The following ZPBP variants were observed in gnomAD, a reference collection of about 807,000 sequenced individuals.
ZPBP encodes the protein zona pellucida-binding protein 1.
In ZPBP, 26 loss-of-function variants were observed where a neutral mutation model predicts 44.8. The observed-to-expected ratio is 0.58, with a 90% CI of 0.43 to 0.81. The LOEUF is 0.81. Ranked by LOEUF, ZPBP falls within the 30% of genes least tolerant of loss-of-function variation. The pLI, the probability that ZPBP is intolerant of heterozygous loss-of-function variation, is 0.00. For missense variants in ZPBP, 409 were observed against 434.0 expected (o/e 0.94, Z 0.51); for synonymous variants, 174 against 153.2 (o/e 1.14, Z -1.00).
At chr7:49,927,325 G>C (rs1794278063) in intron 1 of ZPBP, among the ~76,000 whole-genome samples, 1 of 152,070 alleles carries the variant, frequency 6.6e-6, no homozygotes, top group Admixed American at 6.6e-5. Flanking sequence ...TCCTCCCTTG[G>C]GAAGTATGAC....
At chr7:49,906,739 G>A (rs1793118958) in intron 1 of ZPBP, among the ~76,000 whole-genome samples, 1 of 152,208 alleles carries the variant, frequency 6.6e-6, no homozygotes. Context: ...AAGTACAGAT[G>A]CTGAGTTGCC....
At chr7:50,063,326 T>G (rs1330912520) in intron 3 of ZPBP, among the ~76,000 whole-genome samples, 1 of 152,170 alleles carries the variant, frequency 6.6e-6, no homozygotes, top group African/African-American at 2.4e-5. Flanking sequence ...CCTGTTCCAT[T>G]CCCCCATTTG....
intron 1 of ZPBP, among the ~76,000 whole-genome samples, chr7:49,932,079 T>A (rs1209649557): frequency 6.6e-6 from 1 of 152,220 alleles, no homozygotes; most frequent in East Asian, 1.9e-4. Flanking sequence ...TGCCTGGATG[T>A]CCAGGCAGAG....
At chr7:50,029,909 G>A (rs1332239539) in intron 5 of ZPBP, among the ~76,000 whole-genome samples, 1 of 152,200 alleles carries the variant, frequency 6.6e-6, no homozygotes, top group Non-Finnish European at 1.5e-5. Context: ...AGGCTGAAGT[G>A]CAGTGGCACG....
At chr7:50,065,506 T>C (rs1379291740) in intron 3 of ZPBP, among the ~76,000 whole-genome samples, 3 of 151,106 alleles carry the variant, frequency 2.0e-5, no homozygotes, top group Non-Finnish European at 3.0e-5. Context: ...AAGCCTTTTC[T>C]TATCAGGCGA....
At chr7:50,072,441 G>C (rs893220742) in intron 3 of ZPBP, among the ~76,000 whole-genome samples, 2 of 152,222 alleles carry the variant, frequency 1.3e-5, no homozygotes, top group African/African-American at 4.8e-5. Context: ...AGCACTGAAG[G>C]GAAGGACAAA....
At chr7:50,005,161 C>T (rs1798250050) in intron 6 of ZPBP, among the ~76,000 whole-genome samples, 1 of 151,842 alleles carries the variant, frequency 6.6e-6, no homozygotes, top group African/African-American at 2.4e-5. Context: ...ATGCTGTCAA[C>T]TGTAAATTAC....
chr7:49,860,427 G>C (rs1790602708), intron 2 of ZPBP, among the ~76,000 whole-genome samples: 1 of 152,184 alleles, frequency 6.6e-6, no homozygotes, highest in Non-Finnish European at 1.5e-5. Context: ...GCATGGATTA[G>C]TGCTTCATTC....
intron 3 of ZPBP, among the ~76,000 whole-genome samples, chr7:50,077,815 T>C (rs961663106): frequency 4.0e-5 from 6 of 151,820 alleles, no homozygotes; most frequent in Non-Finnish European, 7.4e-5. Flanking sequence ...AGTACAACCA[T>C]TATGGTGAAC....
At chr7:49,869,779 T>G (rs1398665425) in intron 2 of ZPBP, among the ~76,000 whole-genome samples, 1 of 152,162 alleles carries the variant, frequency 6.6e-6, no homozygotes, top group African/African-American at 2.4e-5. Context: ...GAATTGGATG[T>G]GCACGGCCAC....
At chr7:49,963,374 T>C (rs1367315374) in intron 7 of ZPBP, among the ~76,000 whole-genome samples, 1 of 151,778 alleles carries the variant, frequency 6.6e-6, no homozygotes, top group Admixed American at 6.6e-5. Context: ...ACGATTTAAC[T>C]CTTATGTATT....
At chr7:49,857,009 C>CAAAAAAAAAAAAAAAA (rs59910243) in intron 2 of ZPBP, among the ~76,000 whole-genome samples, 7 of 52,786 alleles carry the variant, frequency 1.3e-4, no homozygotes, top group Admixed American at 3.9e-4. Context: ...GATACTGTCT[C>CAAAAAAAAAAAAAAAA]AAAAAAAAAA....
downstream of ZPBP, among the ~76,000 whole-genome samples, chr7:49,934,053 T>TAAAA (rs11461329): frequency 7.0e-6 from 1 of 142,876 alleles, no homozygotes; most frequent in Non-Finnish European, 1.5e-5. Context: ...AAAGTATAAT[T>TAAAA]AAAAAAAAAA....
chr7:49,947,653 C>A (rs1583893995), intron 7 of ZPBP, among the ~76,000 whole-genome samples: 1 of 152,238 alleles, frequency 6.6e-6, no homozygotes, highest in East Asian at 1.9e-4. Flanking sequence ...TGCACTGGGT[C>A]AGACCTGAAG....
intron 1 of ZPBP, among the ~76,000 whole-genome samples, chr7:50,090,266 C>T (rs116978435): frequency 0.013 from 2,002 of 152,064 alleles, 21 homozygotes; most frequent in Middle Eastern, 0.071. Context: ...CTCCCACCCC[C>T]GAGTCCCCAA....
chr7:49,876,359 G>GT (rs1193161471), intron 2 of ZPBP, among the ~76,000 whole-genome samples: 6 of 152,200 alleles, frequency 3.9e-5, no homozygotes, highest in African/African-American at 1.4e-4. Context: ...CCACTTTGTG[G>GT]TTGACAAGAC....
At chr7:49,981,695 A>AAAATATATATTATATATTATAT (rs1201832039) in intron 7 of ZPBP, among the ~76,000 whole-genome samples, 1 of 42,368 alleles carries the variant, frequency 2.4e-5, no homozygotes, top group Non-Finnish European at 3.4e-5. Context: ...TAATATATAT[A>AAAATATATATTATATATTATAT]ATTATATATA....
At chr7:50,003,524 C>T (rs556212751) in intron 6 of ZPBP, among the ~76,000 whole-genome samples, 1 of 152,302 alleles carries the variant, frequency 6.6e-6, no homozygotes, top group South Asian at 2.1e-4. Context: ...GTGCTTACAG[C>T]ATTCTAGCTG....
downstream of ZPBP, among the ~76,000 whole-genome samples, chr7:49,935,408 T>C (rs1207613719): frequency 6.6e-6 from 1 of 152,126 alleles, no homozygotes; most frequent in East Asian, 1.9e-4. Context: ...ATTAATATTA[T>C]TATTTTTTGA....
Sources: allele counts gnomAD v4.1 joint callset (sites outside exome capture counted in the v4.1 genomes callset), GRCh38; gene constraint gnomAD v4.1.1; transcripts MANE v1.5; gene names NCBI Gene and HGNC (gene_info 2026-07-23, HGNC 2026-07-21).